The following PLXDC2 variants were observed in gnomAD, a reference collection of about 807,000 sequenced individuals.
PLXDC2 encodes the protein plexin domain containing 2.
In PLXDC2, 40 loss-of-function variants were observed where a neutral mutation model predicts 68.9. That is an observed-to-expected ratio of 0.58 (90% CI 0.45 to 0.76). The LOEUF (loss-of-function observed/expected upper bound fraction) is 0.76, where lower values mean the gene tolerates loss of function less well. PLXDC2 is among the 30% of genes least tolerant of loss of function. The probability of loss-of-function intolerance (pLI) is 0.00; values close to 1 mark genes in which losing one functional copy is unlikely to be tolerated. For synonymous variants in PLXDC2, 243 were observed against 234.2 expected (o/e 1.04, Z -0.34); for missense variants, 644 against 661.9 (o/e 0.97, Z 0.30).
chr10:19,842,266 T>A (rs956536806), intron 1 of PLXDC2, among the ~76,000 whole-genome samples: 3 of 152,174 alleles, frequency 2.0e-5, no homozygotes, highest in Admixed American at 6.5e-5. Flanking sequence ...TGGAGTAGGA[T>A]ACTGGAGTCA....
intron 9 of PLXDC2, among the ~76,000 whole-genome samples, chr10:20,188,684 A>G (rs1834718713): frequency 6.6e-6 from 1 of 151,828 alleles, no homozygotes; most frequent in African/African-American, 2.4e-5. Flanking sequence ...AAAAATCTGT[A>G]GATATATTTA....
chr10:19,840,319 G>A (rs1212505066), intron 1 of PLXDC2, among the ~76,000 whole-genome samples: 4 of 152,066 alleles, frequency 2.6e-5, no homozygotes, highest in East Asian at 1.9e-4. Context: ...CTTTAGATAA[G>A]TATGCAGCTT....
intron 9 of PLXDC2, among the ~76,000 whole-genome samples, chr10:20,201,772 T>A (rs1223731701): frequency 6.6e-6 from 1 of 152,066 alleles, no homozygotes; most frequent in East Asian, 1.9e-4. Flanking sequence ...ATTAAAAGAT[T>A]TCCTCTCAAA....
chr10:20,253,867 A>G (rs537137167), intron 13 of PLXDC2, among the ~76,000 whole-genome samples: 1 of 152,324 alleles, frequency 6.6e-6, no homozygotes, highest in African/African-American at 2.4e-5. Context: ...TTGTAGCTAT[A>G]CAACCCCAGC....
chr10:20,182,908 C>CATT (rs1364270482), intron 9 of PLXDC2, among the ~76,000 whole-genome samples: 1 of 151,876 alleles, frequency 6.6e-6, no homozygotes, highest in Non-Finnish European at 1.5e-5. Flanking sequence ...TGTGTGTTCT[C>CATT]ATTGTTCAAC....
intron 1 of PLXDC2, among the ~76,000 whole-genome samples, chr10:19,963,756 G>C (rs924973861): frequency 4.0e-4 from 60 of 151,830 alleles, no homozygotes; most frequent in African/African-American, 1.4e-3. Flanking sequence ...TTAATGGGTG[G>C]AGCACACCAA....
At chr10:20,217,367 A>T in intron 10 of PLXDC2, 59 bp from the exon 11 acceptor site, 1 of 1,464,728 alleles carries the variant, frequency 6.8e-7, no homozygotes, top group South Asian at 1.4e-5. Context: ...CTTTGATGTA[A>T]GTTCTAAAAA....
chr10:19,847,792 G>A (rs1208730578), intron 1 of PLXDC2, among the ~76,000 whole-genome samples: 1 of 152,130 alleles, frequency 6.6e-6, no homozygotes, highest in Admixed American at 6.6e-5. Flanking sequence ...CTATCACATA[G>A]AGTCTATATT....
intron 1 of PLXDC2, among the ~76,000 whole-genome samples, chr10:19,902,175 A>G (rs1339085424): frequency 6.6e-6 from 1 of 150,506 alleles, no homozygotes; most frequent in Non-Finnish European, 1.5e-5. Context: ...GTTCTATATG[A>G]ATTTTAGGAT....
At chr10:20,022,416 CCTT>C (rs1835328094) in intron 2 of PLXDC2, among the ~76,000 whole-genome samples, 1 of 151,998 alleles carries the variant, frequency 6.6e-6, no homozygotes, top group Non-Finnish European at 1.5e-5. Flanking sequence ...GTGACAAAGG[CCTT>C]CTAAGATAGG....
chr10:19,891,977 A>G (rs949171133), intron 1 of PLXDC2, among the ~76,000 whole-genome samples: 1 of 152,182 alleles, frequency 6.6e-6, no homozygotes, highest in African/African-American at 2.4e-5. Context: ...TTGCTTATTT[A>G]TAGAAAAAAG....
At chr10:20,119,380 G>A (rs762928698) in intron 4 of PLXDC2, among the ~76,000 whole-genome samples, 17 of 151,962 alleles carry the variant, frequency 1.1e-4, no homozygotes, top group Non-Finnish European at 2.2e-4. Flanking sequence ...GTTCTCTGGC[G>A]GGCAGGAGTG....
At chr10:20,137,023 C>T (rs1224231999) in intron 4 of PLXDC2, among the ~76,000 whole-genome samples, 1 of 152,078 alleles carries the variant, frequency 6.6e-6, no homozygotes. Flanking sequence ...AACTTTGGAC[C>T]CTCAGGTTTT....
At chr10:20,171,845 C>T (rs1227204860) in intron 7 of PLXDC2, among the ~76,000 whole-genome samples, 2 of 151,938 alleles carry the variant, frequency 1.3e-5, no homozygotes, top group Non-Finnish European at 2.9e-5. Context: ...AGCAGTGGCT[C>T]GTGCCTGTAA....
intron 1 of PLXDC2, among the ~76,000 whole-genome samples, chr10:19,899,462 C>T (rs117397424): frequency 0.044 from 6,767 of 152,198 alleles, 243 homozygotes; most frequent in Non-Finnish European, 0.059. Context: ...CTAATTAAGA[C>T]ATCATTTCTA....
chr10:19,960,214 A>G (rs1051732550), intron 1 of PLXDC2, among the ~76,000 whole-genome samples: 4 of 125,818 alleles, frequency 3.2e-5, no homozygotes, highest in Non-Finnish European at 5.2e-5. Flanking sequence ...AAAAAAAAAA[A>G]ATTAGCCAGG....
chr10:20,200,215 T>C (rs1338050677), intron 9 of PLXDC2, among the ~76,000 whole-genome samples: 1 of 151,892 alleles, frequency 6.6e-6, no homozygotes, highest in Non-Finnish European at 1.5e-5. Context: ...ATGCTCTTAG[T>C]GTATAGAAAT....
intron 10 of PLXDC2, among the ~76,000 whole-genome samples, chr10:20,217,029 C>G (rs896052298): frequency 6.6e-6 from 1 of 152,190 alleles, no homozygotes; most frequent in Non-Finnish European, 1.5e-5. Context: ...AAGGAATGCA[C>G]TTTTTCTCCA....
At chr10:20,224,658 AATTGTGCC>A (rs1476336665) in intron 12 of PLXDC2, among the ~76,000 whole-genome samples, 1 of 152,194 alleles carries the variant, frequency 6.6e-6, no homozygotes, top group Non-Finnish European at 1.5e-5. Context: ...TAGCAAATTG[AATTGTGCC>A]ACTCTGCTAC....
Sources: gnomAD v4.1 joint callset for allele counts (sites outside exome capture counted in the v4.1 genomes callset) on GRCh38, gnomAD v4.1.1 for gene constraint, MANE v1.5 for transcripts, NCBI Gene and HGNC (gene_info 2026-07-23, HGNC 2026-07-21) for gene names.